TBCD: variants seen among roughly 807,000 people sequenced by gnomAD.
TBCD encodes the protein tubulin folding cofactor D.
Under a neutral mutation model 169.3 loss-of-function variants are expected in TBCD, and 105 were observed. The observed-to-expected ratio is 0.62, with a 90% CI of 0.53 to 0.73. TBCD has a LOEUF of 0.73. Ranked by LOEUF, TBCD falls within the 30% of genes least tolerant of loss-of-function variation. The pLI is 0.00. For missense variants in TBCD, 1,444 were observed against 1,600.1 expected, an observed-to-expected ratio of 0.90 and a Z score of 1.66; for synonymous variants, 700 against 643.9, an observed-to-expected ratio of 1.09 and a Z score of -1.32.
chr17:82,850,984 G>A (rs552151806), intron 13 of TBCD, among the ~76,000 whole-genome samples: 3 of 152,316 alleles, frequency 2.0e-5, no homozygotes, highest in African/African-American at 7.2e-5. Context: ...AACAGCAGAG[G>A]CGACTGGCAT....
Position 82,832,600 on chromosome 17 carries a change from G to T in TBCD, c.1318+17666G>T. 1.3e-6 allele frequency: 1 copy of T among 746,486 alleles called. No individual in the cohort carries two copies. Among genetic ancestry groups the T allele is most frequent in the Admixed American group, 2.2e-5 (1 of 46,156 alleles). 46.2% of individuals were successfully genotyped at this position (746,486 alleles called of 1,614,324 possible). ...TCAGAAGCCAGCTCTGCGTGCTGAG[G>T]GTCTGGCGAGAGCCTCCGTCATCTG... On this transcript the variant is annotated intron_variant, in intron 13 of 38. Transcript: ENST00000355528. This position sits in a 1 kb window ranked among gnomAD's most constrained non-coding sequence, Gnocchi z 4.9.
intron 13 of TBCD, chr17:82,830,556 CCCAGTCTTCTGTG>C: frequency 6.2e-7 from 1 of 1,614,052 alleles, no homozygotes; most frequent in Non-Finnish European, 8.5e-7. Flanking sequence ...AACCTTCTGT[CCCAGTCTTCTGTG>C]GAACAGCAGC....
intron 13 of TBCD, among the ~76,000 whole-genome samples, chr17:82,846,654 C>T (rs2055147221): frequency 6.6e-6 from 1 of 152,218 alleles, no homozygotes; most frequent in African/African-American, 2.4e-5. Context: ...TGTCTGGAAG[C>T]CGCCAGCCAG....
intron 14 of TBCD, among the ~76,000 whole-genome samples, chr17:82,871,385 C>T (rs985372741): frequency 2.0e-5 from 3 of 152,154 alleles, no homozygotes; most frequent in Non-Finnish European, 4.4e-5. Context: ...GGCGGGACAC[C>T]GAGGAAGGCG....
intron 13 of TBCD, among the ~76,000 whole-genome samples, chr17:82,839,753 T>C (rs2054306219): frequency 6.6e-6 from 1 of 152,226 alleles, no homozygotes; most frequent in Admixed American, 6.5e-5. Context: ...AGAAGTTTTG[T>C]AATCGTGGTC....
chr17:82,891,730 TGGG>T, intron 16 of TBCD, among the ~76,000 whole-genome samples: 1 of 122,482 alleles, frequency 8.2e-6, no homozygotes, highest in Non-Finnish European at 1.8e-5. Flanking sequence ...GCAGCAGGGA[TGGG>T]GGGTGGTTGG....
intron 13 of TBCD, among the ~76,000 whole-genome samples, chr17:82,866,033 G>C (rs2057147190): frequency 6.6e-6 from 1 of 152,224 alleles, no homozygotes; most frequent in Non-Finnish European, 1.5e-5. Context: ...TTTGTTCAGA[G>C]CTATTGGATA....
At chr17:82,808,290 G>A (rs2051131925) in intron 11 of TBCD, among the ~76,000 whole-genome samples, 1 of 151,878 alleles carries the variant, frequency 6.6e-6, no homozygotes, top group South Asian at 2.1e-4. Context: ...GAGGAGAGGA[G>A]GCAGGTGCAG....
chr17:82,754,610 C>T (rs926646916), intron 1 of TBCD, among the ~76,000 whole-genome samples: 1 of 152,238 alleles, frequency 6.6e-6, no homozygotes, highest in African/African-American at 2.4e-5. Flanking sequence ...TGGGGAAGGG[C>T]TCTTAGCATT....
intron 13 of TBCD, chr17:82,858,733 C>T (rs777083063): frequency 5.8e-4 from 500 of 861,708 alleles, no homozygotes; most frequent in Non-Finnish European, 6.7e-4. Flanking sequence ...GATGGAAAAT[C>T]GACTGAGTGT....
intron 15 of TBCD, among the ~76,000 whole-genome samples, chr17:82,885,199 G>A (rs2058638133): frequency 6.6e-6 from 1 of 151,814 alleles, no homozygotes; most frequent in Non-Finnish European, 1.5e-5. Context: ...GGCCCCTGGT[G>A]AGTGGGACCA....
At chr17:82,824,896 C>T (rs1372036484) in intron 13 of TBCD, among the ~76,000 whole-genome samples, 1 of 151,904 alleles carries the variant, frequency 6.6e-6, no homozygotes, top group South Asian at 2.1e-4. Context: ...GTTCTTAAGT[C>T]GGATCATGCA....
In TBCD at chr17:82,929,419, C is replaced by G; in HGVS notation, c.2910C>G (p.Thr970=). 1 of 1,612,890 alleles carries G rather than the reference C, an allele frequency of 6.2e-7. No individual in the cohort carries two copies. Among genetic ancestry groups the G allele is most frequent in the Non-Finnish European group, 8.5e-7 (1 of 1,179,888 alleles). ...CTTCCCAGGCCTTCCCACGCATCACCCAGCTCCTTGGGCTGCCCACCTACC... is the reference window on the plus strand; with the variant it reads ...CTTCCCAGGCCTTCCCACGCATCACGCAGCTCCTTGGGCTGCCCACCTACC... ...SAPSQAFPRI[T]QLLGLPTYRY... is the part of the protein sequence containing the mutation. Residue 970 remains threonine, a synonymous_variant, in exon 32 of 39, where the codon ACC becomes ACG. Transcript: ENST00000355528.
chr17:82,876,102 TTA>T (rs2057951598), intron 14 of TBCD, among the ~76,000 whole-genome samples: 1 of 152,242 alleles, frequency 6.6e-6, no homozygotes, highest in Non-Finnish European at 1.5e-5. Flanking sequence ...CTATAAAATA[TTA>T]TATAAATAAG....
intron 13 of TBCD, among the ~76,000 whole-genome samples, chr17:82,815,963 T>C (rs78132391): frequency 0.03 from 4,628 of 152,228 alleles, 229 homozygotes; most frequent in African/African-American, 0.11. Flanking sequence ...GTTAAGTGGT[T>C]TTTATATATT....
intron 13 of TBCD, among the ~76,000 whole-genome samples, chr17:82,842,378 G>GCCCTCTCTCC (rs1283390502): frequency 6.6e-6 from 1 of 152,184 alleles, no homozygotes; most frequent in Non-Finnish European, 1.5e-5. Flanking sequence ...GTGGTTCTGT[G>GCCCTCTCTCC]CCCTCTCTCC....
At chr17:82,935,353 G>C (rs961798673) in intron 34 of TBCD, among the ~76,000 whole-genome samples, 5 of 152,130 alleles carry the variant, frequency 3.3e-5, no homozygotes, top group African/African-American at 1.2e-4. Flanking sequence ...TCTTAGAACA[G>C]TGTATGGTTT....
chr17:82,812,128 G>C (rs928561273), intron 12 of TBCD, among the ~76,000 whole-genome samples: 2 of 152,014 alleles, frequency 1.3e-5, no homozygotes, highest in Non-Finnish European at 2.9e-5. Flanking sequence ...ACCCCAGGCT[G>C]TGGCAGAAGC....
chr17:82,889,128 GCCT>G lies in TBCD; in HGVS notation c.1534-536_1534-534del, dbSNP rs1418247918. ...AGGGTGTTTGGGGAGGACATGAGAG[GCCT>G]CCTGGAAGCACTTCATCCTGTTGAA... On this transcript the variant is annotated intron_variant, in intron 15 of 38. Transcript: ENST00000355528. The surrounding 1 kb of genome is among the most constrained non-coding windows in gnomAD (Gnocchi z 5.3). Among the ~76,000 whole-genome samples, 2 of 152,220 alleles carry G rather than the reference GCCT, an allele frequency of 1.3e-5. No homozygotes were observed. The highest frequency in any genetic ancestry group is 6.5e-5 in the Admixed American group (1 of 15,294).
Sources: allele counts gnomAD v4.1 joint callset (sites outside exome capture counted in the v4.1 genomes callset), GRCh38; gene constraint gnomAD v4.1.1; non-coding constraint Gnocchi (gnomAD v3.1); transcripts MANE v1.5; gene names NCBI Gene and HGNC (gene_info 2026-07-23, HGNC 2026-07-21).